NOL8: variants seen among roughly 807,000 people sequenced by gnomAD.
NOL8 encodes nucleolar protein Nop132.
Under a neutral mutation model 116.1 loss-of-function variants are expected in NOL8, and 93 were observed. The observed-to-expected ratio is 0.80, with a 90% CI of 0.68 to 0.95. The LOEUF is 0.95. NOL8 is among the 40% of genes least tolerant of loss of function. The pLI, the probability that NOL8 is intolerant of heterozygous loss-of-function variation, is 0.00. For synonymous variants in NOL8, 419 were observed against 469.0 expected, an observed-to-expected ratio of 0.89 and a Z score of 1.38; for missense variants, 1,291 against 1,382.8, an observed-to-expected ratio of 0.93 and a Z score of 1.05.
intron 10 of NOL8, among the ~76,000 whole-genome samples, chr9:92,307,735 G>A (rs1191496445): frequency 6.6e-6 from 1 of 152,184 alleles, no homozygotes; most frequent in Admixed American, 6.5e-5. Context: ...CTACAGGGAT[G>A]CCCCCAAAGT....
intron 15 of NOL8, chr9:92,298,658 C>T: frequency 2.1e-6 from 1 of 478,332 alleles, no homozygotes; most frequent in South Asian, 4.0e-5. Context: ...TCTAAGGAAG[C>T]CCTTGGAACA....
At chr9:92,299,063 T>C in intron 14 of NOL8, 109 bp from the exon 15 acceptor site, 1 of 506,502 alleles carries the variant, frequency 2.0e-6, no homozygotes, top group East Asian at 3.3e-5. Flanking sequence ...ATTTCTTAAA[T>C]ATATCTTTTT....
Position 92,310,661 on chromosome 9 carries a change from T to G in NOL8, c.2487A>C (p.Lys829Asn). ...GEEWVKESMG[K>N]TSGKLFDSSD... ...TGCTATCAAACAGCTTCCCTGATGT[T>G]TTACCCATAGACTCCTGTGAAGAAA... is the stretch of plus-strand genomic sequence containing the variant. The change falls in exon 9 of 17, where the codon AAA (lysine) becomes AAC (asparagine). Residue 829 changes from lysine to asparagine, a missense_variant. Coordinates refer to ENST00000442668, the MANE Select transcript of NOL8 (RefSeq NM_017948.6). 6.2e-7 allele frequency: 1 copy of G among 1,610,050 alleles called. No individual in the cohort carries two copies.
chr9:92,307,073 G>C lies in NOL8; in HGVS notation c.2687-49C>G, dbSNP rs779640556. 6 of 1,561,026 alleles carry C rather than the reference G, an allele frequency of 3.8e-6. No homozygotes were observed. The East Asian group carries it at 1.1e-4, about 29-fold the overall frequency. On this transcript the variant is annotated intron_variant, in intron 10 of 16. Coordinates refer to ENST00000442668, the MANE Select transcript of NOL8 (RefSeq NM_017948.6). ...TACTCTCTTGGAAAACACAGCCTGA[G>C]AAGTCTCAATCATCAAATATTTACC...
intron 6 of NOL8, among the ~76,000 whole-genome samples, chr9:92,316,351 C>G (rs1257713698): frequency 6.6e-6 from 1 of 152,130 alleles, no homozygotes; most frequent in African/African-American, 2.4e-5. Context: ...AGTACCACCA[C>G]TATTAGTTGG....
rs1001156711 is a variant in NOL8 at position 92,310,355 on chromosome 9, A to T, written c.2596-94T>A. 5 of 1,218,864 alleles carry T rather than the reference A, an allele frequency of 4.1e-6. No homozygotes were observed. The African/African-American group carries it at 7.5e-5, about 18-fold the overall frequency. The allele number at this position is 1,218,864 out of a possible 1,614,324, so 75.5% of individuals were successfully genotyped here. A position where few individuals can be genotyped will look rare whatever the true frequency, so the allele number is the denominator to read the frequency against. On this transcript the variant is annotated intron_variant, in intron 9 of 16. Transcript: ENST00000442668. ...CAATGTACACCTCCCCACACACTGAAATTCACTACATTAAGATGTTTGCCT... is the reference window on the plus strand; with the variant it reads ...CAATGTACACCTCCCCACACACTGATATTCACTACATTAAGATGTTTGCCT...
Position 92,315,314 on chromosome 9 carries a change from G to A in NOL8, c.1311C>T (p.Ala437=), listed in dbSNP as rs1839278611. The A allele has an allele frequency of 6.2e-7, 1 of 1,613,758 alleles. No individual in the cohort carries two copies. Among genetic ancestry groups the A allele is most frequent in the South Asian group, 1.1e-5 (1 of 91,066 alleles). ...TAAGAGACTTTAATCCATGACTGAG[G>A]GCTGACTCTACATTGCTTTTTCTTT... The part of the protein sequence containing the change: ...LQKRKSNVES[A]LSHGLKSLNR... The change falls in exon 7 of 17, where the codon GCC becomes GCT. Residue 437 remains alanine (A), a synonymous_variant. Coordinates refer to ENST00000442668, the MANE Select transcript of NOL8 (RefSeq NM_017948.6).
rs573513894 is a variant in NOL8, at chr9:92,317,271, C to T, written c.487-1133G>A. ...CACTGCACCCCACCTTAAGCGATTA[C>T]TCTTGAAAGTCCCTTTTTTCAATAA... On this transcript the variant is annotated intron_variant, in intron 6 of 16. Coordinates refer to ENST00000442668, the MANE Select transcript of NOL8 (RefSeq NM_017948.6). Among the ~76,000 whole-genome samples the T allele has an allele frequency of 5.6e-4, 85 of 152,330 alleles. 1 individual carries two copies. Among genetic ancestry groups the T allele is most frequent in the African/African-American group, 1.7e-3 (71 of 41,580 alleles).
chr9:92,315,349 T>C lies in NOL8; in HGVS notation c.1276A>G (p.Lys426Glu), dbSNP rs1026202886. 1.2e-6 allele frequency: 2 copies of C among 1,611,938 alleles called. No homozygotes were observed. The highest frequency in any genetic ancestry group is 2.7e-5 in the African/African-American group (2 of 74,916). ...ENCELSDHCI[K>E]LQKRKSNVES... ...ACATTGCTTTTTCTTTTTTGTAGTT[T>C]AATACAGTGATCAGAAAGCTCACAG... The change falls in exon 7 of 17, where the codon AAA (lysine) becomes GAA (glutamate). Residue 426 changes from lysine (K) to glutamate (E), a missense_variant. Coordinates refer to ENST00000442668, the MANE Select transcript of NOL8 (RefSeq NM_017948.6).
Position 92,315,835 on chromosome 9 carries a change from G to A in NOL8, c.790C>T (p.Pro264Ser). Reference sequence around the variant, plus strand: ...ACAGGTACAGGAGATGATTTAGAAGGAGTAATGGAATCACAAGTTCTTTTT... The same window carrying A: ...ACAGGTACAGGAGATGATTTAGAAGAAGTAATGGAATCACAAGTTCTTTTT... Reference protein sequence around the residue: ...AQKRTCDSITPSKSSPVPVSD... With the variant: ...AQKRTCDSITSSKSSPVPVSD... Residue 264 changes from proline to serine, a missense_variant, in exon 7 of 17, where the codon CCT becomes TCT. Coordinates refer to ENST00000442668, the MANE Select transcript of NOL8 (RefSeq NM_017948.6). 1 of 1,613,966 alleles carries A rather than the reference G, an allele frequency of 6.2e-7. No individual in the cohort carries two copies. Among genetic ancestry groups the A allele is most frequent in the Non-Finnish European group, 8.5e-7 (1 of 1,179,864 alleles).
At chr9:92,316,476 G>A (rs983242990) in intron 6 of NOL8, among the ~76,000 whole-genome samples, 3 of 152,170 alleles carry the variant, frequency 2.0e-5, no homozygotes, top group African/African-American at 4.8e-5. Context: ...CCATCGAACT[G>A]ATACAGTAAA....
chr9:92,312,446 TAAAAAAAA>T (rs34116665), intron 7 of NOL8, among the ~76,000 whole-genome samples: 5 of 57,544 alleles, frequency 8.7e-5, no homozygotes, highest in South Asian at 6.9e-4. Context: ...TGAGACCCTG[TAAAAAAAA>T]AAAAAAAAAA....
intron 7 of NOL8, among the ~76,000 whole-genome samples, chr9:92,312,445 GTAA>G (rs1188771681): frequency 1.7e-5 from 1 of 59,158 alleles, no homozygotes; most frequent in South Asian, 5.0e-4. Context: ...GTGAGACCCT[GTAA>G]AAAAAAAAAA....
rs1016346972 is a variant in NOL8, at chr9:92,299,882, T to G, written c.3302+8A>C. ...TGAACTATGCCTGCAAAGAAACAAA[T>G]TGTTTACCCAGGACTGGAGTTTCTG... On this transcript the variant is annotated splice_region_variant and intron_variant, in intron 14 of 16. Coordinates refer to ENST00000442668, the MANE Select transcript of NOL8 (RefSeq NM_017948.6). 63 of 1,611,812 alleles carry G rather than the reference T, an allele frequency of 3.9e-5. No homozygotes were observed. Among genetic ancestry groups the G allele is most frequent in the Middle Eastern group, 1.6e-4 (1 of 6,072 alleles).
chr9:92,299,762 AAT>A, intron 14 of NOL8, 126 bp downstream of exon 14: 4 of 1,053,674 alleles, frequency 3.8e-6, no homozygotes, highest in South Asian at 1.7e-5. Context: ...AAAAAAAAAA[AAT>A]AAAATAAAAA....
In NOL8 at chr9:92,315,081, G is replaced by C; in HGVS notation, c.1544C>G (p.Thr515Ser). 5 of 1,614,012 alleles carry C rather than the reference G, an allele frequency of 3.1e-6. No homozygotes were observed. The highest frequency in any genetic ancestry group is 4.2e-6 in the Non-Finnish European group (5 of 1,179,902). ...DTKSDGPETT[T>S]QCKFDRGSKS... is the part of the protein sequence containing the mutation. ...GGAGCCTCTGTCAAACTTGCATTGGGTGGTGGTTTCTGGTCCATCACTCTT... is the reference window on the plus strand; with the variant it reads ...GGAGCCTCTGTCAAACTTGCATTGGCTGGTGGTTTCTGGTCCATCACTCTT... Residue 515 changes from threonine to serine, a missense_variant, in exon 7 of 17, where the codon ACC becomes AGC. Thr to Ser is a moderately conservative substitution (Grantham distance 58). Transcript: ENST00000442668.
At chr9:92,325,203 C>T (rs1471290630) in intron 1 of NOL8, 103 bp downstream of exon 1, 1 of 152,288 alleles carries the variant, frequency 6.6e-6, no homozygotes, top group Non-Finnish European at 1.5e-5. Flanking sequence ...TCTCCGCCCC[C>T]AGCCTACCCA....
chr9:92,310,709 G>C, intron 8 of NOL8, 34 bp from the exon 9 acceptor site: 1 of 1,574,942 alleles, frequency 6.3e-7, no homozygotes, highest in Non-Finnish European at 8.6e-7. Context: ...TAATAGCAGA[G>C]GCAAACAAGC....
chr9:92,314,289 A>G lies in NOL8; in HGVS notation c.2336T>C (p.Val779Ala), dbSNP rs752820893. ...QKAKEVQKKL[V>A]HNALANLDGH... ...CACCAAATTTGCCAGAGCATTATGC[A>G]CCAGCTTCTTCTGCACTTCTTTTGC... The change falls in exon 7 of 17, where the codon GTG becomes GCG. Residue 779 changes from valine (V) to alanine (A), a missense_variant. Coordinates refer to ENST00000442668, the MANE Select transcript of NOL8 (RefSeq NM_017948.6). 18 of 1,586,794 alleles carry G rather than the reference A, an allele frequency of 1.1e-5. No homozygotes were observed. In the Admixed American group the frequency reaches 3.2e-4, roughly 28 times the overall value.
Sources: gnomAD v4.1 joint callset for allele counts (sites outside exome capture counted in the v4.1 genomes callset) on GRCh38, gnomAD v4.1.1 for gene constraint, MANE v1.5 for transcripts, NCBI Gene and HGNC (gene_info 2026-07-23, HGNC 2026-07-21) for gene names.